Variants in WDR7 observed in about 807,000 individuals in gnomAD.
WDR7 encodes WD repeat domain 7, also known as WD repeat-containing protein 7.
In WDR7, 46 loss-of-function variants were observed where a neutral mutation model predicts 169.4. That is an observed-to-expected ratio of 0.27 (90% confidence interval 0.21 to 0.35). WDR7 has a LOEUF of 0.35. Among genes scored for constraint, WDR7 ranks in the 10% least tolerant of loss-of-function variants. The pLI is 1.00. For synonymous variants in WDR7, 612 were observed against 666.8 expected, an observed-to-expected ratio of 0.92 and a Z score of 1.27; for missense variants, 1,534 against 1,859.3, an observed-to-expected ratio of 0.83 and a Z score of 3.22.
At chr18:57,035,023 T>A in the WDR7 span, 1 of 152,196 alleles carries the variant, frequency 6.6e-6, no homozygotes, top group Admixed American at 6.5e-5. Context: ...CCGATTCCAG[T>A]GAACCCTCCT....
At chr18:56,697,191 G>T (rs565151111) in intron 12 of WDR7, among the ~76,000 whole-genome samples, 48 of 152,224 alleles carry the variant, frequency 3.2e-4, no homozygotes, top group African/African-American at 1.1e-3. Flanking sequence ...TCTTCTTGTA[G>T]ACAAGTCATG....
intron 20 of WDR7, among the ~76,000 whole-genome samples, chr18:56,878,518 A>C (rs1382226396): frequency 1.3e-5 from 2 of 152,206 alleles, no homozygotes; most frequent in Non-Finnish European, 1.5e-5. Flanking sequence ...ATTAATGGGC[A>C]CATTAATAAA....
intron 25 of WDR7, 28 bp from the exon 26 acceptor site, chr18:56,962,402 G>A (rs760440202): frequency 6.2e-7 from 1 of 1,607,646 alleles, no homozygotes; most frequent in Non-Finnish European, 8.5e-7. Flanking sequence ...TCTTGTTTTT[G>A]TTTTTGTTGT....
At chr18:56,907,313 T>C (rs570724693) in intron 21 of WDR7, among the ~76,000 whole-genome samples, 1 of 57,086 alleles carries the variant, frequency 1.8e-5, no homozygotes, top group East Asian at 1.8e-3. Flanking sequence ...TGGGGTATGG[T>C]TGTGATCAAA....
At chr18:56,912,432 T>G (rs1441248877) in intron 21 of WDR7, among the ~76,000 whole-genome samples, 1 of 152,220 alleles carries the variant, frequency 6.6e-6, no homozygotes, top group Non-Finnish European at 1.5e-5. Context: ...TCAGTAGCCA[T>G]AGGAAATCAT....
chr18:56,777,895 G>A (rs1453688450), intron 17 of WDR7, among the ~76,000 whole-genome samples: 5 of 152,036 alleles, frequency 3.3e-5, no homozygotes, highest in South Asian at 2.1e-4. Context: ...AGCAAAATTC[G>A]AACTTTACCA....
chr18:56,709,612 T>A (rs2026038810), intron 12 of WDR7, among the ~76,000 whole-genome samples: 1 of 152,166 alleles, frequency 6.6e-6, no homozygotes, highest in African/African-American at 2.4e-5. Flanking sequence ...GTCAGACAGT[T>A]AGCAAATGGC....
chr18:56,739,525 A>C (rs2043580333), intron 14 of WDR7, among the ~76,000 whole-genome samples: 2 of 151,258 alleles, frequency 1.3e-5, no homozygotes, highest in Non-Finnish European at 3.0e-5. Flanking sequence ...TTATATTTAA[A>C]CTCTGTTCTT....
intron 16 of WDR7, among the ~76,000 whole-genome samples, chr18:56,761,781 C>A (rs1568180458): frequency 6.6e-6 from 1 of 151,710 alleles, no homozygotes; most frequent in African/African-American, 2.4e-5. Context: ...TAATGTTTAG[C>A]TATTTTTCAT....
chr18:56,668,637 A>C (rs2025070326), intron 1 of WDR7, among the ~76,000 whole-genome samples: 1 of 152,210 alleles, frequency 6.6e-6, no homozygotes, highest in African/African-American at 2.4e-5. Flanking sequence ...TTGGAATTTT[A>C]TTTGAAAGCC....
intron 20 of WDR7, among the ~76,000 whole-genome samples, chr18:56,825,535 G>A (rs2045186512): frequency 6.6e-6 from 1 of 152,116 alleles, no homozygotes; most frequent in Non-Finnish European, 1.5e-5. Flanking sequence ...AAAGTTACTT[G>A]CCACATAAAA....
At chr18:56,823,852 C>G (rs757910422) in intron 20 of WDR7, among the ~76,000 whole-genome samples, 3 of 152,116 alleles carry the variant, frequency 2.0e-5, no homozygotes, top group African/African-American at 4.8e-5. Context: ...TAGATCCAGC[C>G]TTGCATTTTT....
At chr18:56,882,935 A>G (rs1228448932) in intron 21 of WDR7, among the ~76,000 whole-genome samples, 1 of 152,192 alleles carries the variant, frequency 6.6e-6, no homozygotes, top group African/African-American at 2.4e-5. Context: ...ATATAAATGT[A>G]GGAACGGCTG....
chr18:57,001,641 C>T (rs2047981322), intron 26 of WDR7, among the ~76,000 whole-genome samples: 1 of 152,106 alleles, frequency 6.6e-6, no homozygotes, highest in Non-Finnish European at 1.5e-5. Context: ...TGACCACCAC[C>T]ATAATCAGGA....
chr18:56,757,476 G>T, intron 15 of WDR7, 124 bp downstream of exon 15: 1 of 991,716 alleles, frequency 1.0e-6, no homozygotes, highest in South Asian at 2.3e-5. Context: ...CATCTCAGTT[G>T]TTTCCCTTTT....
chr18:56,834,883 G>A (rs1174665233), intron 20 of WDR7, among the ~76,000 whole-genome samples: 1 of 152,108 alleles, frequency 6.6e-6, no homozygotes, highest in African/African-American at 2.4e-5. Context: ...TCCAGACTTG[G>A]AATCTTTTTC....
chr18:56,732,229 T>C (rs1472601398), intron 14 of WDR7, among the ~76,000 whole-genome samples: 1 of 152,190 alleles, frequency 6.6e-6, no homozygotes, highest in Non-Finnish European at 1.5e-5. Flanking sequence ...TTTAGTTTTG[T>C]AGAGTCTAGC....
At chr18:56,747,874 A>G (rs2043729901) in intron 14 of WDR7, among the ~76,000 whole-genome samples, 1 of 152,100 alleles carries the variant, frequency 6.6e-6, no homozygotes, top group African/African-American at 2.4e-5. Flanking sequence ...TGTTCATCAC[A>G]GTGACCCAAG....
At chr18:56,679,833 G>A (rs770476090) in intron 3 of WDR7, among the ~76,000 whole-genome samples, 4 of 152,066 alleles carry the variant, frequency 2.6e-5, no homozygotes, top group East Asian at 1.9e-4. Flanking sequence ...AGTTCATAAC[G>A]TTATATTGAT....
Sources: gnomAD v4.1 joint callset for allele counts (sites outside exome capture counted in the v4.1 genomes callset) on GRCh38, gnomAD v4.1.1 for gene constraint, MANE v1.5 for transcripts, NCBI Gene and HGNC (gene_info 2026-07-23, HGNC 2026-07-21) for gene names.